Variants in ARFGAP1 observed in about 807,000 individuals in gnomAD.
ARFGAP1 encodes the protein ADP-ribosylation factor GTPase-activating protein 1.
ARFGAP1 carries 26 observed loss-of-function variants against 54.0 expected under a neutral mutation model. That is an observed-to-expected ratio of 0.48 (90% CI 0.35 to 0.67). The LOEUF (loss-of-function observed/expected upper bound fraction) is 0.67, where lower values mean the gene tolerates loss of function less well. Among genes scored for constraint, ARFGAP1 ranks in the 30% least tolerant of loss-of-function variants. The probability of loss-of-function intolerance (pLI) is 0.00; values close to 1 mark genes in which losing one functional copy is unlikely to be tolerated. For synonymous variants in ARFGAP1, 248 were observed against 211.9 expected, an observed-to-expected ratio of 1.17 and a Z score of -1.48; for missense variants, 525 against 535.8, an observed-to-expected ratio of 0.98 and a Z score of 0.20.
At chr20:63,277,950 T>G (rs1271439964) in intron 5 of ARFGAP1, among the ~76,000 whole-genome samples, 167 bp from the exon 6 acceptor site, 1 of 152,212 alleles carries the variant, frequency 6.6e-6, no homozygotes, top group Non-Finnish European at 1.5e-5. Flanking sequence ...TTTCAGCACC[T>G]GAGCCCGAGC....
intron 8 of ARFGAP1, among the ~76,000 whole-genome samples, chr20:63,282,314 A>C (rs1418762864): frequency 6.6e-6 from 1 of 152,252 alleles, no homozygotes; most frequent in Non-Finnish European, 1.5e-5. Flanking sequence ...GGGGAGGCCC[A>C]GGTACCTTCC....
chr20:63,275,494 TG>T, intron 1 of ARFGAP1, 82 bp from the exon 2 acceptor site: 1 of 1,323,002 alleles, frequency 7.6e-7, no homozygotes, highest in Non-Finnish European at 1.1e-6. Flanking sequence ...TTCTGTTGTG[TG>T]GTGTTTTTGG....
chr20:63,277,190 G>T lies in ARFGAP1; in HGVS notation c.343-15G>T. The T allele has an allele frequency of 6.2e-7, 1 of 1,609,686 alleles. No homozygotes were observed. Among genetic ancestry groups the T allele is most frequent in the Non-Finnish European group, 8.5e-7 (1 of 1,178,664 alleles). ...GCGCCTTTATGCTCTCGAATGCCCT[G>T]TGTCTCCTTGTCAGGTGGTCGCTCT... On this transcript the variant is annotated splice_polypyrimidine_tract_variant and intron_variant, in intron 4 of 12. Transcript: ENST00000370283.
In ARFGAP1 at chr20:63,282,837, C is replaced by G; in HGVS notation, c.703C>G (p.Gln235Glu). 6.2e-7 allele frequency: 1 copy of G among 1,614,092 alleles called. No homozygotes were observed. Among genetic ancestry groups the G allele is most frequent in the East Asian group, 2.2e-5 (1 of 44,888 alleles). Residue 235 changes from glutamine to glutamate, a missense_variant, in exon 9 of 13, where the codon CAA becomes GAA. Gln to Glu is a conservative substitution (Grantham distance 29). Around this residue, in one of 3 missense-constraint regions of ARFGAP1, gnomAD observed 466 missense variants for 453.6 expected, o/e 1.03. Coordinates refer to ENST00000370283, the MANE Select transcript of ARFGAP1 (RefSeq NM_018209.4). The stretch of plus-strand genomic sequence containing the variant: ...ATTTTAGGCTACAAAGTTTGGATCC[C>G]AAGCGAGTCAGAAGGTAACAGAGGA... ...AKEGATKFGS[Q>E]ASQKASELGH... is the part of the protein sequence containing the mutation.
chr20:63,286,261 G>C (rs769888960), intron 11 of ARFGAP1, 105 bp from the exon 12 acceptor site: 7 of 1,569,692 alleles, frequency 4.5e-6, no homozygotes, highest in Non-Finnish European at 6.1e-6. Flanking sequence ...ATTTTGCCTG[G>C]GTCTTCTCAG....
intron 11 of ARFGAP1, 184 bp downstream of exon 11, chr20:63,285,897 C>A: frequency 7.0e-7 from 1 of 1,432,936 alleles, no homozygotes. Flanking sequence ...CAACTTGGCC[C>A]ACTGCGGCCC....
At chr20:63,275,665 G>A (rs763301084) in intron 2 of ARFGAP1, 25 bp downstream of exon 2, 23 of 1,610,280 alleles carry the variant, frequency 1.4e-5, no homozygotes, top group Admixed American at 6.7e-5. Context: ...CCCACCCCCC[G>A]CCCTAAGGCT....
At chr20:63,286,312 A>G in intron 11 of ARFGAP1, 54 bp from the exon 12 acceptor site, 2 of 1,605,206 alleles carry the variant, frequency 1.2e-6, no homozygotes, top group Non-Finnish European at 8.5e-7. Context: ...GGCCTCCTGA[A>G]GCTGCCTGTG....
At position 63,276,580 on chromosome 20, in the gene ARFGAP1, G is replaced by C. The variant is rs1223150403; in HGVS notation, c.271G>C (p.Glu91Gln). 1 of 1,614,042 alleles carries C rather than the reference G, an allele frequency of 6.2e-7. No individual in the cohort carries two copies. Reference protein sequence around the residue: ...AKFREFLESQEDYDPCWSLQE... With the variant: ...AKFREFLESQQDYDPCWSLQE... ...GTTCCGAGAGTTCCTGGAGTCTCAGGAGGATTACGATCCTTGCTGGTCCTT... is the reference window on the plus strand; with the variant it reads ...GTTCCGAGAGTTCCTGGAGTCTCAGCAGGATTACGATCCTTGCTGGTCCTT... The change falls in exon 4 of 13, where the codon GAG (glutamate) becomes CAG (glutamine). Residue 91 changes from glutamate (E) to glutamine (Q), a missense_variant. Around this residue, in one of 3 missense-constraint regions of ARFGAP1, gnomAD observed 466 missense variants for 453.6 expected, o/e 1.03. Transcript: ENST00000370283. This position sits in a 1 kb window ranked among gnomAD's most constrained non-coding sequence, Gnocchi z 5.2.
At position 63,288,640 on chromosome 20, in the gene ARFGAP1, G is replaced by C; in HGVS notation, c.*767G>C. Reference sequence around the variant, plus strand: ...CCTCGGCCCTGATGCAGGAGGGTGCGATAGCGGACGTGGCCAGGCAGGAGG... The same window carrying C: ...CCTCGGCCCTGATGCAGGAGGGTGCCATAGCGGACGTGGCCAGGCAGGAGG... On this transcript the variant is annotated 3_prime_UTR_variant, in exon 13 of 13. Transcript: ENST00000370283. The C allele has an allele frequency of 2.5e-6, 1 of 396,952 alleles. No individual in the cohort carries two copies. Among genetic ancestry groups the C allele is most frequent in the Admixed American group, 2.7e-5 (1 of 36,572 alleles). 24.6% of individuals were successfully genotyped at this position (396,952 alleles called of 1,614,324 possible).
chr20:63,275,978 C>T (rs982977416), intron 2 of ARFGAP1, 113 bp from the exon 3 acceptor site: 18 of 948,802 alleles, frequency 1.9e-5, no homozygotes, highest in East Asian at 7.2e-5. Context: ...CCCACACCCC[C>T]GGCCACCCTG....
In ARFGAP1 at chr20:63,284,668, C is replaced by T. The variant is rs143699476; in HGVS notation, c.718-198C>T. On this transcript the variant is annotated intron_variant, in intron 9 of 12. Transcript: ENST00000370283. ...AAGAATTGGTGGGGGCCGCGGTCTC[C>T]GCCTTCTAGAGGTGGCGGCCTACTG... 1,160 of 1,424,150 alleles carry T rather than the reference C, an allele frequency of 8.1e-4. 4 individuals carry two copies. The highest frequency in any genetic ancestry group is 5.7e-3 in the African/African-American group (396 of 69,842). 88.2% of individuals were successfully genotyped at this position (1,424,150 alleles called of 1,614,324 possible).
intron 6 of ARFGAP1, 25 bp from the exon 7 acceptor site, chr20:63,278,873 CG>C (rs749507127): frequency 3.1e-6 from 5 of 1,610,978 alleles, no homozygotes; most frequent in Admixed American, 3.3e-5. Flanking sequence ...CCAGCATCTT[CG>C]GCCTCTTGTC....
Position 63,287,984 on chromosome 20 carries a change from G to A in ARFGAP1, c.*111G>A. ...CCAAGAATCAGCAACTGCAGTGTGA[G>A]GACAGCGTCTCGGGAGGCAGGACCC... is the stretch of plus-strand genomic sequence containing the variant. On this transcript the variant is annotated 3_prime_UTR_variant, in exon 13 of 13. Coordinates refer to ENST00000370283, the MANE Select transcript of ARFGAP1 (RefSeq NM_018209.4). 3 of 1,264,650 alleles carry A rather than the reference G, an allele frequency of 2.4e-6. No individual in the cohort carries two copies. Among genetic ancestry groups the A allele is most frequent in the South Asian group, 1.5e-5 (1 of 65,598 alleles). The allele number at this position is 1,264,650 out of a possible 1,614,324, so 78.3% of individuals were successfully genotyped here.
At chr20:63,275,696 C>T (rs917032436) in intron 2 of ARFGAP1, 56 bp downstream of exon 2, 32 of 1,556,646 alleles carry the variant, frequency 2.1e-5, no homozygotes, top group Non-Finnish European at 2.6e-5. Flanking sequence ...CAGTGAGTTC[C>T]GGGAAGTTGT....
At chr20:63,280,728 T>G (rs964565284) in intron 7 of ARFGAP1, among the ~76,000 whole-genome samples, 1 of 152,250 alleles carries the variant, frequency 6.6e-6, no homozygotes, top group South Asian at 2.1e-4. Flanking sequence ...TGCCTTTTGC[T>G]GGGAAGCTGC....
chr20:63,275,965 T>G lies in ARFGAP1; in HGVS notation c.61-126T>G, dbSNP rs1601333194. The G allele has an allele frequency of 3.6e-6, 3 of 823,348 alleles. No homozygotes were observed. In the East Asian group the frequency reaches 7.3e-5, roughly 20 times the overall value. The allele number at this position is 823,348 out of a possible 1,614,324, so 51.0% of individuals were successfully genotyped here. The stretch of plus-strand genomic sequence containing the variant: ...GGCTCTTTCCCCTCACGCCTTGCCC[T>G]GACCCACACCCCCGGCCACCCTGGG... On this transcript the variant is annotated intron_variant, in intron 2 of 12. Transcript: ENST00000370283.
chr20:63,278,886 G>T lies in ARFGAP1; in HGVS notation c.531-13G>T. ...TGCCAGCATCTTCGGCCTCTTGTCC[G>T]CTTTGTTTTCAGGGCCCAGGGGAAT... On this transcript the variant is annotated splice_polypyrimidine_tract_variant and intron_variant, in intron 6 of 12. Transcript: ENST00000370283. 1 of 1,613,862 alleles carries T rather than the reference G, an allele frequency of 6.2e-7. No homozygotes were observed. The highest frequency in any genetic ancestry group is 8.5e-7 in the Non-Finnish European group (1 of 1,179,772).
Position 63,277,074 on chromosome 20 carries a change from G to A in ARFGAP1, c.343-131G>A, listed in dbSNP as rs533016792. The A allele has an allele frequency of 1.3e-4, 92 of 704,958 alleles. 1 individual carries two copies. The highest frequency in any genetic ancestry group is 1.3e-3 in the African/African-American group (73 of 56,136). 43.7% of individuals were successfully genotyped at this position (704,958 alleles called of 1,614,324 possible). On this transcript the variant is annotated intron_variant, in intron 4 of 12. Coordinates refer to ENST00000370283, the MANE Select transcript of ARFGAP1 (RefSeq NM_018209.4). ...TCTGTGCACCTGAGCAGGGGCCGTCGAGGGGGCCGGGAGGAGGCTGCGGGT... is the reference window on the plus strand; with the variant it reads ...TCTGTGCACCTGAGCAGGGGCCGTCAAGGGGGCCGGGAGGAGGCTGCGGGT...
Sources: allele counts gnomAD v4.1 joint callset (sites outside exome capture counted in the v4.1 genomes callset), GRCh38; gene constraint gnomAD v4.1.1; regional missense constraint gnomAD v4.1.1; non-coding constraint Gnocchi (gnomAD v3.1); transcripts MANE v1.5; gene names NCBI Gene and HGNC (gene_info 2026-07-23, HGNC 2026-07-21).